Variants in KBTBD11 observed in about 807,000 individuals in gnomAD.
KBTBD11 encodes kelch repeat and BTB domain-containing protein 11.
For missense variants in KBTBD11, 1,390 were observed against 1,001.8 expected (o/e 1.39, Z -5.23); for synonymous variants, 747 against 499.0 (o/e 1.50, Z -6.63).
chr8:2,001,730 A>G lies in KBTBD11; in HGVS notation c.538A>G (p.Ser180Gly). ...GGACGTGCTGCGGGTGCAGGGAGTG[A>G]GCCTGACGGCGCTGCGGCTGCTCCT... ...SRDVLRVQGV[S>G]LTALRLLLAD... The change falls in exon 2 of 2, where the codon AGC becomes GGC. Residue 180 changes from serine (S) to glycine (G), a missense_variant. Transcript: ENST00000320248. The G allele has an allele frequency of 7.3e-7, 1 of 1,371,736 alleles. No homozygotes were observed. The highest frequency in any genetic ancestry group is 9.4e-7 in the Non-Finnish European group (1 of 1,065,632). The allele number at this position is 1,371,736 out of a possible 1,614,324, so 85.0% of individuals were successfully genotyped here.
At chr8:1,978,052 C>T (rs986415136) in intron 1 of KBTBD11, among the ~76,000 whole-genome samples, 2 of 152,172 alleles carry the variant, frequency 1.3e-5, no homozygotes, top group Non-Finnish European at 2.9e-5. Context: ...AGTTTTGTTA[C>T]ATAGGTAAAC....
At position 2,001,454 on chromosome 8, in the gene KBTBD11, C is replaced by G. The variant is rs1310595968; in HGVS notation, c.262C>G (p.Pro88Ala). ...GGCCGGCAGCGCGGGCGCCGCGTCC[C>G]CGGAGGAGCTCGCGTCCCCTGAGGA... ...WEAGSAGAAS[P>A]EELASPEERA... The change falls in exon 2 of 2, where the codon CCG becomes GCG. Residue 88 changes from proline (P) to alanine (A), a missense_variant. Coordinates refer to ENST00000320248, the MANE Select transcript of KBTBD11 (RefSeq NM_014867.3). The G allele has an allele frequency of 4.3e-5, 58 of 1,361,470 alleles. No individual in the cohort carries two copies. The highest frequency in any genetic ancestry group is 4.9e-5 in the Non-Finnish European group (52 of 1,065,840). 84.3% of individuals were successfully genotyped at this position (1,361,470 alleles called of 1,614,324 possible).
At chr8:1,998,512 A>C (rs1284101958) in intron 1 of KBTBD11, among the ~76,000 whole-genome samples, 1 of 152,218 alleles carries the variant, frequency 6.6e-6, no homozygotes, top group Admixed American at 6.5e-5. Flanking sequence ...GTAATGATTA[A>C]TTACATAAAG....
intron 1 of KBTBD11, among the ~76,000 whole-genome samples, chr8:1,993,383 G>T (rs145135875): frequency 8.7e-6 from 1 of 114,836 alleles, no homozygotes; most frequent in Non-Finnish European, 1.8e-5. Flanking sequence ...CCGTCCGTCC[G>T]TCCGTCCGTC....
At chr8:1,982,605 T>C (rs954065678) in intron 1 of KBTBD11, among the ~76,000 whole-genome samples, 3 of 152,196 alleles carry the variant, frequency 2.0e-5, no homozygotes, top group African/African-American at 7.2e-5. Flanking sequence ...CAGAGGGAGC[T>C]ATGCTTATAT....
At position 2,000,899 on chromosome 8, in the gene KBTBD11, T is replaced by C. The variant is rs1817316532; in HGVS notation, c.-294T>C. ...ACGCGGTCCTGGCGCCAGCTGGAGA[T>C]CCATTCACCAAGACTTTCTGGGCAG... is the stretch of plus-strand genomic sequence containing the variant. On this transcript the variant is annotated 5_prime_UTR_variant, in exon 2 of 2. Transcript: ENST00000320248. The C allele has an allele frequency of 5.7e-6, 2 of 349,958 alleles. No homozygotes were observed. The allele number at this position is 349,958 out of a possible 1,614,324, so 21.7% of individuals were successfully genotyped here. A position where few individuals can be genotyped will look rare whatever the true frequency, so the allele number is the denominator to read the frequency against.
At chr8:1,983,403 C>G (rs546987628) in intron 1 of KBTBD11, among the ~76,000 whole-genome samples, 1 of 152,302 alleles carries the variant, frequency 6.6e-6, no homozygotes, top group East Asian at 1.9e-4. Flanking sequence ...GCTGGGTGCT[C>G]CTTGTAACCC....
At chr8:1,993,958 C>A (rs897135814) in intron 1 of KBTBD11, among the ~76,000 whole-genome samples, 5 of 148,244 alleles carry the variant, frequency 3.4e-5, no homozygotes, top group South Asian at 4.3e-4. Context: ...CACACACACA[C>A]AAAACCCCAT....
rs1488600793 is a variant in KBTBD11, at chr8:1,993,921, C to CCACACACA, written c.-908-6364_-908-6363insCACACACA. 1.5e-4 allele frequency among the ~76,000 whole-genome samples: 6 copies of CCACACACA among 39,378 alleles called. No individual in the cohort carries two copies. The East Asian group carries it at 0.013, about 85-fold the overall frequency. The allele number at this position is 39,378 out of a possible 152,430, so 25.8% of individuals were successfully genotyped here. A position where few individuals can be genotyped will look rare whatever the true frequency, so the allele number is the denominator to read the frequency against. ...TCAATATATGAATACACAATACCCCCTACACACACACACACACACACACAC... is the reference window on the plus strand; with the variant it reads ...TCAATATATGAATACACAATACCCCCCACACACATACACACACACACACACACACACAC... On this transcript the variant is annotated intron_variant, in intron 1 of 1. Transcript: ENST00000320248.
intron 1 of KBTBD11, among the ~76,000 whole-genome samples, chr8:1,993,520 CCCA>C (rs569319493): frequency 0.5 from 58,454 of 116,698 alleles, 15,846 homozygotes; most frequent in East Asian, 0.8. Context: ...CATCCATCCA[CCCA>C]TCCATCCACC....
chr8:2,002,302 G>C lies in KBTBD11; in HGVS notation c.1110G>C (p.Ala370=). ...TCGTGGCGGGCGGCGTGGCGCCCGCGGGCCCCGACGGCCGCGCGCGCCCGT... is the reference window on the plus strand; with the variant it reads ...TCGTGGCGGGCGGCGTGGCGCCCGCCGGCCCCGACGGCCGCGCGCGCCCGT... ...YLFVAGGVAP[A]GPDGRARPSD... Residue 370 remains alanine (A), a synonymous_variant, in exon 2 of 2, where the codon GCG becomes GCC. Transcript: ENST00000320248. The surrounding 1 kb of genome is among the most constrained non-coding windows in gnomAD (Gnocchi z 4.1). The C allele has an allele frequency of 7.5e-7, 1 of 1,341,798 alleles. No homozygotes were observed. Among genetic ancestry groups the C allele is most frequent in the Non-Finnish European group, 9.5e-7 (1 of 1,055,842 alleles). 83.1% of individuals were successfully genotyped at this position (1,341,798 alleles called of 1,614,324 possible).
intron 1 of KBTBD11, chr8:1,974,348 G>A (rs1816246300): frequency 1.0e-6 from 1 of 984,528 alleles, no homozygotes; most frequent in South Asian, 4.7e-5. Context: ...CCCGCCGAGG[G>A]TCCCGCCGCC....
intron 1 of KBTBD11, among the ~76,000 whole-genome samples, chr8:1,990,064 G>T (rs757723253): frequency 6.6e-6 from 1 of 150,622 alleles, no homozygotes; most frequent in South Asian, 2.1e-4. Context: ...TAGTATTTCT[G>T]TGCATTGAGC....
At chr8:1,993,731 CTT>C (rs1468737703) in intron 1 of KBTBD11, among the ~76,000 whole-genome samples, 2 of 151,818 alleles carry the variant, frequency 1.3e-5, no homozygotes, top group African/African-American at 2.4e-5. Flanking sequence ...TAAAATAAGA[CTT>C]TCTCTGCAAA....
At chr8:1,984,147 TCA>T (rs1246001212) in intron 1 of KBTBD11, among the ~76,000 whole-genome samples, 3 of 149,848 alleles carry the variant, frequency 2.0e-5, no homozygotes, top group Non-Finnish European at 4.4e-5. Context: ...AAAAAAAGAG[TCA>T]CACGTGGGCC....
At position 1,974,216 on chromosome 8, in the gene KBTBD11, C is replaced by G. The variant is rs1322866935; in HGVS notation, c.-909+281C>G. ...GCGGTGGGTGGTCTCCGCTCCGCCTCCGGGAGGCCGCGTGGGGGGCGTGGG... is the reference window on the plus strand; with the variant it reads ...GCGGTGGGTGGTCTCCGCTCCGCCTGCGGGAGGCCGCGTGGGGGGCGTGGG... On this transcript the variant is annotated intron_variant, in intron 1 of 1. Transcript: ENST00000320248. 11 of 893,258 alleles carry G rather than the reference C, an allele frequency of 1.2e-5. No homozygotes were observed. The Admixed American group carries it at 3.2e-4, about 26-fold the overall frequency. The allele number at this position is 893,258 out of a possible 1,614,324, so 55.3% of individuals were successfully genotyped here. A position where few individuals can be genotyped will look rare whatever the true frequency, so the allele number is the denominator to read the frequency against.
intron 1 of KBTBD11, among the ~76,000 whole-genome samples, chr8:1,991,693 C>T (rs559341229): frequency 6.6e-6 from 1 of 152,050 alleles, no homozygotes; most frequent in East Asian, 1.9e-4. Context: ...ATCCCGAGGC[C>T]TGCTTCCTGG....
At chr8:1,995,149 A>T (rs972046428) in intron 1 of KBTBD11, among the ~76,000 whole-genome samples, 3 of 151,682 alleles carry the variant, frequency 2.0e-5, no homozygotes, top group African/African-American at 7.3e-5. Flanking sequence ...TAGGTATATT[A>T]TGGAACATTT....
chr8:1,986,250 T>C (rs1170989310), intron 1 of KBTBD11, among the ~76,000 whole-genome samples: 1 of 152,208 alleles, frequency 6.6e-6, no homozygotes, highest in African/African-American at 2.4e-5. Context: ...GAGTGGCAAG[T>C]ACAAGCTGAA....
Sources: allele counts gnomAD v4.1 joint callset (sites outside exome capture counted in the v4.1 genomes callset), GRCh38; gene constraint gnomAD v4.1.1; non-coding constraint Gnocchi (gnomAD v3.1); transcripts MANE v1.5; gene names NCBI Gene and HGNC (gene_info 2026-07-23, HGNC 2026-07-21).